Variants in RSU1 observed in about 807,000 individuals in gnomAD.
The protein encoded by RSU1 is Ras suppressor protein 1.
In RSU1, 26 loss-of-function variants were observed where a neutral mutation model predicts 31.1. The ratio of observed to expected loss-of-function variants is 0.84; its 90% CI spans 0.61 to 1.16. The LOEUF is 1.16. RSU1 is among the 50% of genes most tolerant of loss of function. The probability of loss-of-function intolerance (pLI) is 0.00; values close to 1 mark genes in which losing one functional copy is unlikely to be tolerated. For missense variants in RSU1, 320 were observed against 339.1 expected, an observed-to-expected ratio of 0.94 and a Z score of 0.44; for synonymous variants, 164 against 136.3, an observed-to-expected ratio of 1.20 and a Z score of -1.41.
At chr10:16,764,304 T>C (rs1425476041) in intron 4 of RSU1, 86 bp downstream of exon 4, 3 of 1,382,626 alleles carry the variant, frequency 2.2e-6, no homozygotes, top group Non-Finnish European at 2.9e-6. Flanking sequence ...TGTGCAATAA[T>C]ATAAAAGGAA....
intron 2 of RSU1, among the ~76,000 whole-genome samples, chr10:16,816,536 G>A (rs563199341): frequency 4.1e-4 from 62 of 152,274 alleles, no homozygotes; most frequent in African/African-American, 1.4e-3. Flanking sequence ...TCAGAAGAAT[G>A]TAAAGATTCA....
At chr10:16,606,313 C>G (rs1833803512) in intron 8 of RSU1, among the ~76,000 whole-genome samples, 1 of 152,032 alleles carries the variant, frequency 6.6e-6, no homozygotes, top group Admixed American at 6.6e-5. Flanking sequence ...ATATTTTAAA[C>G]TATTTTTATA....
intron 8 of RSU1, among the ~76,000 whole-genome samples, chr10:16,601,488 A>C (rs1032435897): frequency 1.1e-4 from 16 of 152,130 alleles, no homozygotes; most frequent in Non-Finnish European, 2.9e-5. Context: ...ATTTATTTCC[A>C]TCATCCACTC....
At position 16,657,720 on chromosome 10, in the gene RSU1, C is replaced by A. The variant is rs570698099; in HGVS notation, c.731+37303G>T. ...ATTCTGTAATCCAAAGGGCCAGGCA[C>A]GGTGGCTCACGCCCGTAATCCCAGC... On this transcript the variant is annotated intron_variant, in intron 8 of 8. Coordinates refer to ENST00000345264, the MANE Select transcript of RSU1 (RefSeq NM_012425.4). 2.0e-5 allele frequency among the ~76,000 whole-genome samples: 3 copies of A among 152,246 alleles called. No individual in the cohort carries two copies. In the South Asian group the frequency reaches 6.2e-4, roughly 32 times the overall value.
At chr10:16,724,211 G>C (rs1354305417) in intron 7 of RSU1, among the ~76,000 whole-genome samples, 1 of 152,174 alleles carries the variant, frequency 6.6e-6, no homozygotes, top group East Asian at 1.9e-4. Context: ...CCAAAGTGCT[G>C]GGATTACAGG....
intron 7 of RSU1, among the ~76,000 whole-genome samples, chr10:16,742,423 C>G (rs1051801972): frequency 6.6e-6 from 1 of 152,134 alleles, no homozygotes; most frequent in Admixed American, 6.5e-5. Context: ...GAAAGAAACT[C>G]TCACACTCAC....
intron 2 of RSU1, among the ~76,000 whole-genome samples, chr10:16,816,388 G>A (rs1326427729): frequency 3.3e-5 from 5 of 152,146 alleles, no homozygotes; most frequent in African/African-American, 1.2e-4. Context: ...ATAGACAGGG[G>A]TTACAGGAAA....
intron 7 of RSU1, among the ~76,000 whole-genome samples, chr10:16,704,312 C>G (rs1476517726): frequency 6.6e-6 from 1 of 152,072 alleles, no homozygotes. Flanking sequence ...ATACATTATT[C>G]CAGGGTGTCA....
At chr10:16,792,919 C>A (rs1412532746) in intron 2 of RSU1, among the ~76,000 whole-genome samples, 3 of 152,230 alleles carry the variant, frequency 2.0e-5, no homozygotes, top group African/African-American at 7.2e-5. Flanking sequence ...AACTTGAGCT[C>A]TGCATCTCCG....
chr10:16,634,951 T>C (rs1834321425), intron 8 of RSU1, among the ~76,000 whole-genome samples: 1 of 152,246 alleles, frequency 6.6e-6, no homozygotes, highest in African/African-American at 2.4e-5. Context: ...AACATTTGCC[T>C]GGTTACTTTT....
At chr10:16,667,508 G>C (rs1017517664) in intron 8 of RSU1, among the ~76,000 whole-genome samples, 1 of 148,566 alleles carries the variant, frequency 6.7e-6, no homozygotes, top group Non-Finnish European at 1.5e-5. Flanking sequence ...TTTTTTTTGA[G>C]ACAGAGTCTC....
chr10:16,701,721 G>C (rs888184968), intron 7 of RSU1, among the ~76,000 whole-genome samples: 1 of 152,124 alleles, frequency 6.6e-6, no homozygotes. Context: ...GGTGTGAAGA[G>C]GCCCAGAAGT....
chr10:16,710,521 T>A (rs536406015), intron 7 of RSU1, among the ~76,000 whole-genome samples: 4 of 152,248 alleles, frequency 2.6e-5, no homozygotes, highest in African/African-American at 9.6e-5. Context: ...GCTGGCCTCA[T>A]AAAATTTTAC....
chr10:16,720,990 TAAATAAATAAATAAACAAAC>T (rs1221726918), intron 7 of RSU1, among the ~76,000 whole-genome samples: 2 of 151,996 alleles, frequency 1.3e-5, no homozygotes, highest in Non-Finnish European at 2.9e-5. Flanking sequence ...CTATCTCACA[TAAATAAATAAATAAACAAAC>T]AAATAAATAA....
chr10:16,634,547 T>C lies in RSU1; in HGVS notation c.732-41051A>G, dbSNP rs113655444. On this transcript the variant is annotated intron_variant, in intron 8 of 8. Coordinates refer to ENST00000345264, the MANE Select transcript of RSU1 (RefSeq NM_012425.4). ...TATGTGATTTTCACACAAAAGTATA[T>C]ACTTTGTAGCAGCCTCATCCTTTTG... Among the ~76,000 whole-genome samples the C allele has an allele frequency of 5.7e-3, 866 of 152,346 alleles. 6 individuals are homozygous for C. The highest frequency in any genetic ancestry group is 0.019 in the African/African-American group (776 of 41,566).
chr10:16,691,816 G>A (rs1347424270), intron 8 of RSU1, among the ~76,000 whole-genome samples: 1 of 140,670 alleles, frequency 7.1e-6, no homozygotes, highest in Admixed American at 7.8e-5. Flanking sequence ...TCAACTCACT[G>A]CAACCTCCAC....
intron 8 of RSU1, among the ~76,000 whole-genome samples, chr10:16,634,680 C>T (rs1295898528): frequency 6.6e-6 from 1 of 152,146 alleles, no homozygotes; most frequent in African/African-American, 2.4e-5. Context: ...CTATCCATTA[C>T]CATTTGGCAC....
intron 7 of RSU1, among the ~76,000 whole-genome samples, chr10:16,706,839 T>C (rs1005441824): frequency 1.3e-5 from 2 of 152,190 alleles, no homozygotes. Context: ...ACTGTCTAAA[T>C]GTAACTATGT....
intron 3 of RSU1, chr10:16,767,313 G>A (rs1486369193): frequency 6.6e-6 from 1 of 152,194 alleles, no homozygotes; most frequent in Non-Finnish European, 1.5e-5. Flanking sequence ...CCGTCTTCCC[G>A]AAGTTACTCT....
Sources: gnomAD v4.1 joint callset for allele counts (sites outside exome capture counted in the v4.1 genomes callset) on GRCh38, gnomAD v4.1.1 for gene constraint, MANE v1.5 for transcripts, NCBI Gene and HGNC (gene_info 2026-07-23, HGNC 2026-07-21) for gene names.